Variants in TPCN2 observed in about 807,000 individuals in gnomAD.
The protein encoded by TPCN2 is two pore channel protein 2.
Under a neutral mutation model 111.4 loss-of-function variants are expected in TPCN2, and 92 were observed. The observed-to-expected ratio is 0.83, with a 90% CI of 0.70 to 0.98. The LOEUF (loss-of-function observed/expected upper bound fraction) is 0.98. Among genes scored for constraint, TPCN2 ranks in the 50% least tolerant of loss-of-function variants. TPCN2 has a pLI of 0.00. For missense variants in TPCN2, 995 were observed against 980.1 expected (o/e 1.02, Z -0.20); for synonymous variants, 405 against 414.5 (o/e 0.98, Z 0.28).
rs1284554012 is a variant in TPCN2, at chr11:69,078,679, C to T, written c.1351-55C>T. The stretch of plus-strand genomic sequence containing the variant: ...CTTGCAGGGGAGCCTGCCCCTCCTG[C>T]CTCGCCCAGCGCTGTGCTGGGCCAG... On this transcript the variant is annotated intron_variant, in intron 14 of 24. Transcript: ENST00000294309. 2.5e-6 allele frequency: 4 copies of T among 1,613,336 alleles called. No individual in the cohort carries two copies. In the Admixed American group the frequency reaches 6.7e-5, roughly 27 times the overall value.
chr11:69,079,761 T>C (rs1855928851), intron 16 of TPCN2, 73 bp from the exon 17 acceptor site: 2 of 1,426,368 alleles, frequency 1.4e-6, no homozygotes, highest in Admixed American at 1.8e-5. Flanking sequence ...AGATGAGCTT[T>C]ATAATAATTC....
chr11:69,070,564 C>A, intron 9 of TPCN2, 69 bp downstream of exon 9: 2 of 1,160,842 alleles, frequency 1.7e-6, no homozygotes, highest in Non-Finnish European at 2.5e-6. Flanking sequence ...ATACACCCTG[C>A]TGCCTCCACG....
Position 69,055,240 on chromosome 11 carries a change from C to G in TPCN2, c.317C>G (p.Thr106Ser). 1 of 1,614,264 alleles carries G rather than the reference C, an allele frequency of 6.2e-7. No homozygotes were observed. Among genetic ancestry groups the G allele is most frequent in the Non-Finnish European group, 8.5e-7 (1 of 1,180,048 alleles). Reference protein sequence around the residue: ...LAFIETPSSLTSTADVRYRAA... With the variant: ...LAFIETPSSLSSTADVRYRAA... ...TTTATCGAGACCCCATCCTCACTCA[C>G]CAGCACGGCGGACGTGCGCTACCGC... The change falls in exon 4 of 25, where the codon ACC (threonine) becomes AGC (serine). Residue 106 changes from threonine (T) to serine (S), a missense_variant. Transcript: ENST00000294309.
intron 8 of TPCN2, among the ~76,000 whole-genome samples, chr11:69,069,702 C>T (rs1260374005): frequency 4.9e-5 from 3 of 61,280 alleles, no homozygotes; most frequent in Admixed American, 2.6e-4. Context: ...AGGAAGTGAC[C>T]GCACTGGGAG....
chr11:69,073,074 G>A (rs1855608921), intron 13 of TPCN2, 73 bp downstream of exon 13: 2 of 1,137,068 alleles, frequency 1.8e-6, no homozygotes, highest in South Asian at 1.2e-5. Context: ...ATCACCTGGG[G>A]AACTCTTCTA....
chr11:69,057,117 C>T (rs1255046346), intron 4 of TPCN2, among the ~76,000 whole-genome samples: 5 of 152,288 alleles, frequency 3.3e-5, no homozygotes, highest in East Asian at 1.9e-4. Context: ...GGATTACAGG[C>T]GTGAGCCACC....
intron 1 of TPCN2, among the ~76,000 whole-genome samples, chr11:69,050,710 A>T (rs988470558): frequency 6.6e-6 from 1 of 152,170 alleles, no homozygotes; most frequent in African/African-American, 2.4e-5. Context: ...AGTAAAAGGG[A>T]GATAATACTA....
chr11:69,057,692 G>C lies in TPCN2; in HGVS notation c.544G>C (p.Glu182Gln), dbSNP rs1415061023. ...WTVSLSLVCH[E>Q]PLRIRRLLRP... Reference sequence around the variant, plus strand: ...CGTGTCCCTGAGTCTCGTGTGTCATGAGGTAGGTGGTGAGGCAGCCCTGAG... The same window carrying C: ...CGTGTCCCTGAGTCTCGTGTGTCATCAGGTAGGTGGTGAGGCAGCCCTGAG... The change falls in exon 5 of 25, where the codon GAG becomes CAG. Residue 182 changes from glutamate to glutamine, a missense_variant and splice_region_variant. By Grantham distance (29) the Glu-to-Gln change is conservative (BLOSUM62 2). Coordinates refer to ENST00000294309, the MANE Select transcript of TPCN2 (RefSeq NM_139075.4). The C allele has an allele frequency of 6.2e-7, 1 of 1,613,864 alleles. No homozygotes were observed. The highest frequency in any genetic ancestry group is 8.5e-7 in the Non-Finnish European group (1 of 1,179,818).
At position 69,051,477 on chromosome 11, in the gene TPCN2, G is replaced by T. The variant is rs537537533; in HGVS notation, c.109+2371G>T. 1.1e-4 allele frequency among the ~76,000 whole-genome samples: 16 copies of T among 152,336 alleles called. No homozygotes were observed. The South Asian group carries it at 3.1e-3, about 30-fold the overall frequency. On this transcript the variant is annotated intron_variant, in intron 1 of 24. Transcript: ENST00000294309. ...GGAGCACCTAGAGGTTAAGGGACTT[G>T]CCCAGGGTCACAGAGGATGATGGTC...
intron 13 of TPCN2, among the ~76,000 whole-genome samples, chr11:69,073,974 AG>A (rs35424998): frequency 0.38 from 57,433 of 152,060 alleles, 12,358 homozygotes; most frequent in Non-Finnish European, 0.5. Flanking sequence ...AGATTGGATT[AG>A]GGCCCATTCT....
In TPCN2 at chr11:69,072,922, G is replaced by A. The variant is rs138388668; in HGVS notation, c.1151G>A (p.Arg384His). The A allele has an allele frequency of 6.8e-5, 110 of 1,612,308 alleles. No homozygotes were observed. Among genetic ancestry groups the A allele is most frequent in the Non-Finnish European group, 8.5e-5 (100 of 1,178,516 alleles). The part of the protein sequence containing the change: ...SHKQAMMEKV[R>H]SYGSVLLSAE... ...GTGCTCCTTCCTGTGCAGAAGGTGC[G>A]TTCCTATGGCAGTGTTCTGCTCTCA... The change falls in exon 13 of 25, where the codon CGT (arginine) becomes CAT (histidine). Residue 384 changes from arginine to histidine, a missense_variant. Transcript: ENST00000294309.
At chr11:69,051,855 C>T (rs1019524635) in intron 1 of TPCN2, among the ~76,000 whole-genome samples, 8 of 152,032 alleles carry the variant, frequency 5.3e-5, no homozygotes, top group African/African-American at 9.7e-5. Flanking sequence ...GAGCCCAGTT[C>T]GGAATGAGTG....
chr11:69,078,444 C>G, intron 13 of TPCN2, 38 bp from the exon 14 acceptor site: 1 of 1,610,870 alleles, frequency 6.2e-7, no homozygotes, highest in Non-Finnish European at 8.5e-7. Flanking sequence ...GCCACGGCTG[C>G]TGGCCTGTGC....
At position 69,048,940 on chromosome 11, in the gene TPCN2, G is replaced by A. The variant is rs1000876537; in HGVS notation, c.-58G>A. The A allele has an allele frequency of 3.5e-6, 4 of 1,142,156 alleles. No individual in the cohort carries two copies. Among genetic ancestry groups the A allele is most frequent in the Non-Finnish European group, 4.4e-6 (4 of 903,838 alleles). The allele number at this position is 1,142,156 out of a possible 1,614,324, so 70.8% of individuals were successfully genotyped here. On this transcript the variant is annotated 5_prime_UTR_variant, in exon 1 of 25. Transcript: ENST00000294309. Reference sequence around the variant, plus strand: ...GGGGTCTCCGCGCCTGCGCAGTGAAGCTGGGCGCCTTCGGGGCTTGAGCTT... The same window carrying A: ...GGGGTCTCCGCGCCTGCGCAGTGAAACTGGGCGCCTTCGGGGCTTGAGCTT...
At chr11:69,058,623 G>A (rs1590710250) in intron 5 of TPCN2, among the ~76,000 whole-genome samples, 1 of 152,180 alleles carries the variant, frequency 6.6e-6, no homozygotes. Context: ...AGGACCTGGT[G>A]GGGAGTAGCT....
intron 5 of TPCN2, among the ~76,000 whole-genome samples, chr11:69,062,669 G>A (rs1855075114): frequency 6.6e-6 from 1 of 152,156 alleles, no homozygotes; most frequent in Non-Finnish European, 1.5e-5. Context: ...GAGATGGGTA[G>A]TGGGGAGGCC....
chr11:69,054,025 G>C lies in TPCN2; in HGVS notation c.110-8G>C. 6.2e-7 allele frequency: 1 copy of C among 1,613,432 alleles called. No homozygotes were observed. The highest frequency in any genetic ancestry group is 1.7e-5 in the Admixed American group (1 of 60,012). On this transcript the variant is annotated splice_polypyrimidine_tract_variant and splice_region_variant and intron_variant, in intron 1 of 24. Transcript: ENST00000294309. ...CTCGGTCACCTGATGTGTCCCCTCT[G>C]CCTGCAGGTGCCGCGGCCAGGTGGG... is the stretch of plus-strand genomic sequence containing the variant.
chr11:69,059,326 G>C (rs558325408), intron 5 of TPCN2, among the ~76,000 whole-genome samples: 1 of 145,752 alleles, frequency 6.9e-6, no homozygotes, highest in Admixed American at 6.8e-5. Flanking sequence ...CCATGAACAA[G>C]CTATGGTCCA....
At chr11:69,050,783 G>A (rs1185657181) in intron 1 of TPCN2, among the ~76,000 whole-genome samples, 1 of 152,240 alleles carries the variant, frequency 6.6e-6, no homozygotes, top group African/African-American at 2.4e-5. Flanking sequence ...TCAGCACAGG[G>A]CCCGGCGGGC....
Sources: allele counts gnomAD v4.1 joint callset (sites outside exome capture counted in the v4.1 genomes callset), GRCh38; gene constraint gnomAD v4.1.1; transcripts MANE v1.5; gene names NCBI Gene and HGNC (gene_info 2026-07-23, HGNC 2026-07-21).